The following LRP2 variants were observed in gnomAD, a reference collection of about 807,000 sequenced individuals.
The protein encoded by LRP2 is LDL receptor related protein 2.
Under a neutral mutation model 531.0 loss-of-function variants are expected in LRP2, and 172 were observed. That is an observed-to-expected ratio of 0.32 (90% confidence interval 0.29 to 0.37). The LOEUF (loss-of-function observed/expected upper bound fraction) is 0.37. LRP2 is among the 10% of genes least tolerant of loss of function. The pLI, the probability that LRP2 is intolerant of heterozygous loss-of-function variation, is 1.00. For synonymous variants in LRP2, 1,992 were observed against 2,027.6 expected (o/e 0.98, Z 0.47); for missense variants, 5,167 against 5,868.3 (o/e 0.88, Z 3.90).
chr2:169,162,305 G>T (rs1156822227), intron 63 of LRP2, among the ~76,000 whole-genome samples, 167 bp downstream of exon 63: 1 of 152,170 alleles, frequency 6.6e-6, no homozygotes, highest in Non-Finnish European at 1.5e-5. Flanking sequence ...CACAATGTCT[G>T]GTCTAGGATA....
chr2:169,182,813 C>A (rs1472656354), intron 50 of LRP2, among the ~76,000 whole-genome samples: 2 of 152,198 alleles, frequency 1.3e-5, no homozygotes, highest in Non-Finnish European at 2.9e-5. Context: ...CTGCCTCTGT[C>A]AGACAGGCTG....
chr2:169,261,387 A>G (rs1427498389), intron 16 of LRP2, among the ~76,000 whole-genome samples: 1 of 151,888 alleles, frequency 6.6e-6, no homozygotes, highest in East Asian at 1.9e-4. Context: ...GTGCAGTGGC[A>G]CAGTCATAGC....
intron 16 of LRP2, among the ~76,000 whole-genome samples, chr2:169,261,783 C>G (rs1411468099): frequency 6.6e-6 from 1 of 152,062 alleles, no homozygotes; most frequent in East Asian, 1.9e-4. Context: ...CAGGCAGAGA[C>G]ACAACCAAAA....
intron 33 of LRP2, among the ~76,000 whole-genome samples, chr2:169,222,888 A>C (rs566792818): frequency 1.3e-5 from 2 of 152,254 alleles, no homozygotes; most frequent in South Asian, 4.1e-4. Flanking sequence ...CTCACAAGTA[A>C]CCATGAATGG....
intron 1 of LRP2, among the ~76,000 whole-genome samples, chr2:169,324,944 A>C (rs1685007749): frequency 6.6e-6 from 1 of 152,176 alleles, no homozygotes; most frequent in African/African-American, 2.4e-5. Flanking sequence ...GAGATATAGA[A>C]AGCTATCAGA....
Position 169,185,733 on chromosome 2 carries a change from G to T in LRP2, c.9615C>A (p.Asn3205Lys). The T allele has an allele frequency of 6.2e-7, 1 of 1,613,888 alleles. No homozygotes were observed. Among genetic ancestry groups the T allele is most frequent in the Non-Finnish European group, 8.5e-7 (1 of 1,179,992 alleles). Residue 3205 changes from asparagine to lysine, a missense_variant, in exon 50 of 79, where the codon AAC becomes AAA. Asn to Lys is a moderately conservative substitution (Grantham distance 94). Around this residue, in one of 6 missense-constraint regions of LRP2, gnomAD observed 1,129 missense variants for 1,362.7 expected, o/e 0.83. Transcript: ENST00000649046. Reference sequence around the variant, plus strand: ...TAGTTAAATTTCTCAAATAGTAACGGTTGCTAAAAATGAGATAGGGTTCGA... The same window carrying T: ...TAGTTAAATTTCTCAAATAGTAACGTTTGCTAAAAATGAGATAGGGTTCGA... Reference protein sequence around the residue: ...SNIEPYLIFSNRYYLRNLTID... With the variant: ...SNIEPYLIFSKRYYLRNLTID...
At chr2:169,213,585 T>G in intron 36 of LRP2, 72 bp downstream of exon 36, 1 of 1,194,710 alleles carries the variant, frequency 8.4e-7, no homozygotes, top group Non-Finnish European at 1.3e-6. Flanking sequence ...TGTGGGTGTG[T>G]GCTTACAAAT....
At position 169,195,093 on chromosome 2, in the gene LRP2, T is replaced by C. The variant is rs1403384563; in HGVS notation, c.8699-1201A>G. 2.6e-5 allele frequency among the ~76,000 whole-genome samples: 4 copies of C among 152,142 alleles called. No individual in the cohort carries two copies. In the East Asian group the frequency reaches 7.7e-4, roughly 29 times the overall value. On this transcript the variant is annotated intron_variant, in intron 46 of 78. Coordinates refer to ENST00000649046, the MANE Select transcript of LRP2 (RefSeq NM_004525.3). The stretch of plus-strand genomic sequence containing the variant: ...TCTAGACCATAAGGATCTTTCCACA[T>C]GTGCACAAAGGATGTTCACCCTGAC...
chr2:169,279,660 T>A, intron 11 of LRP2, 65 bp from the exon 12 acceptor site: 1 of 1,008,354 alleles, frequency 9.9e-7, no homozygotes, highest in Non-Finnish European at 1.5e-6. Flanking sequence ...TGTTTTGATT[T>A]TTTTTAGCTA....
chr2:169,153,272 T>G (rs886607734), intron 66 of LRP2, among the ~76,000 whole-genome samples: 2 of 152,184 alleles, frequency 1.3e-5, no homozygotes, highest in Non-Finnish European at 2.9e-5. Context: ...AGTTCTAGTT[T>G]CCAAAACAGA....
chr2:169,272,130 G>A (rs76224495), intron 15 of LRP2, among the ~76,000 whole-genome samples: 7 of 152,072 alleles, frequency 4.6e-5, no homozygotes, highest in African/African-American at 1.4e-4. Context: ...ATTTATATAC[G>A]ACGCTAGAAA....
At chr2:169,143,384 T>C (rs1414075142) in intron 70 of LRP2, among the ~76,000 whole-genome samples, 1 of 152,196 alleles carries the variant, frequency 6.6e-6, no homozygotes, top group Non-Finnish European at 1.5e-5. Context: ...GGCTCACACC[T>C]GTAATCCCAG....
In LRP2 at chr2:169,205,705, A is replaced by G. The variant is rs114541974; in HGVS notation, c.7557-68T>C. On this transcript the variant is annotated intron_variant, in intron 40 of 78. Transcript: ENST00000649046. ...TCATAGTCCTTTAAAAAAAAAAAAA[A>G]GGACAATATTCTTTAATTGCAAATT... The G allele has an allele frequency of 1.5e-3, 2,004 of 1,350,366 alleles. 18 individuals are homozygous for G. In the African/African-American group the frequency reaches 0.027, roughly 18 times the overall value. The allele number at this position is 1,350,366 out of a possible 1,614,324, so 83.6% of individuals were successfully genotyped here.
Position 169,238,336 on chromosome 2 carries a change from T to C in LRP2, c.4295-34A>G, listed in dbSNP as rs775875195. On this transcript the variant is annotated intron_variant, in intron 26 of 78. Transcript: ENST00000649046. ...GAAAAAAATGCAAAAATGTCAATGA[T>C]ACTGGGAGAAAACACAAAACAACTC... The C allele has an allele frequency of 7.1e-6, 10 of 1,407,788 alleles. No homozygotes were observed. In the Admixed American group the frequency reaches 1.7e-4, roughly 24 times the overall value. The allele number at this position is 1,407,788 out of a possible 1,614,324, so 87.2% of individuals were successfully genotyped here. A position where few individuals can be genotyped will look rare whatever the true frequency, so the allele number is the denominator to read the frequency against.
intron 54 of LRP2, 62 bp from the exon 55 acceptor site, chr2:169,175,451 G>C: frequency 6.7e-7 from 1 of 1,502,674 alleles, no homozygotes; most frequent in Non-Finnish European, 9.2e-7. Flanking sequence ...TATCTGGAGA[G>C]AAGAAGTCAA....
At chr2:169,192,848 G>A (rs1471487262) in intron 47 of LRP2, among the ~76,000 whole-genome samples, 1 of 152,078 alleles carries the variant, frequency 6.6e-6, no homozygotes, top group African/African-American at 2.4e-5. Context: ...GGGTGGATAG[G>A]GTAAATGTGG....
intron 13 of LRP2, among the ~76,000 whole-genome samples, chr2:169,276,642 T>C (rs1262771069): frequency 1.3e-5 from 2 of 152,148 alleles, no homozygotes; most frequent in East Asian, 3.9e-4. Context: ...AACTGTGATA[T>C]TATCCTTACA....
intron 1 of LRP2, among the ~76,000 whole-genome samples, chr2:169,356,612 C>T (rs900833421): frequency 6.6e-6 from 1 of 152,204 alleles, no homozygotes; most frequent in Non-Finnish European, 1.5e-5. Context: ...AGGAATCAAA[C>T]CAAGATCCTC....
chr2:169,160,390 C>T (rs963648135), intron 63 of LRP2, among the ~76,000 whole-genome samples: 10 of 151,928 alleles, frequency 6.6e-5, no homozygotes, highest in African/African-American at 2.4e-4. Context: ...TGTATACCTT[C>T]AATTTTAAAA....
Sources: gnomAD v4.1 joint callset for allele counts (sites outside exome capture counted in the v4.1 genomes callset) on GRCh38, gnomAD v4.1.1 for gene constraint, gnomAD v4.1.1 regional missense constraint, MANE v1.5 for transcripts, NCBI Gene and HGNC (gene_info 2026-07-23, HGNC 2026-07-21) for gene names.